Variants in NOVA1 observed in about 807,000 individuals in gnomAD.
The protein encoded by NOVA1 is NOVA alternative splicing regulator 1, also known as RNA-binding protein Nova-1.
NOVA1 carries 7 observed loss-of-function variants against 38.0 expected under a neutral mutation model. The observed-to-expected ratio is 0.18, with a 90% CI of 0.10 to 0.35. The LOEUF is 0.35. NOVA1 is among the 10% of genes least tolerant of loss of function. NOVA1 has a pLI of 1.00. For synonymous variants in NOVA1, 270 were observed against 232.5 expected, an observed-to-expected ratio of 1.16 and a Z score of -1.47; for missense variants, 460 against 616.0, an observed-to-expected ratio of 0.75 and a Z score of 2.68.
At chr14:26,555,649 G>A (rs1891437277) in intron 2 of NOVA1, among the ~76,000 whole-genome samples, 1 of 152,074 alleles carries the variant, frequency 6.6e-6, no homozygotes, top group African/African-American at 2.4e-5. Context: ...AAAAATCATG[G>A]AAACTCAATT....
At chr14:26,544,089 T>C (rs1477651361) in intron 2 of NOVA1, among the ~76,000 whole-genome samples, 1 of 151,838 alleles carries the variant, frequency 6.6e-6, no homozygotes, top group South Asian at 2.1e-4. Flanking sequence ...AGTAGGTTGG[T>C]GGAGTAAAGA....
At chr14:26,583,967 A>G (rs1188340475) in intron 2 of NOVA1, among the ~76,000 whole-genome samples, 1 of 151,480 alleles carries the variant, frequency 6.6e-6, no homozygotes, top group African/African-American at 2.4e-5. Flanking sequence ...AAATAAGTAT[A>G]TATTTTCATA....
At chr14:26,493,199 CT>C (rs1159476319) in intron 2 of NOVA1, among the ~76,000 whole-genome samples, 1 of 151,926 alleles carries the variant, frequency 6.6e-6, no homozygotes, top group Admixed American at 6.6e-5. Context: ...GTTATAGGGG[CT>C]AATAGTGACA....
intron 2 of NOVA1, among the ~76,000 whole-genome samples, chr14:26,548,957 G>C (rs999339952): frequency 5.1e-4 from 77 of 151,872 alleles, no homozygotes; most frequent in Non-Finnish European, 9.7e-4. Flanking sequence ...AAAGTAAAAA[G>C]AAAAAAGAAA....
intron 4 of NOVA1, among the ~76,000 whole-genome samples, chr14:26,449,168 T>C (rs1882402233): frequency 6.6e-6 from 1 of 152,106 alleles, no homozygotes; most frequent in Non-Finnish European, 1.5e-5. Flanking sequence ...AAAACTCAAT[T>C]TTCAGGTCAA....
intron 2 of NOVA1, chr14:26,593,608 A>G (rs758183376): frequency 2.6e-5 from 4 of 151,936 alleles, no homozygotes; most frequent in Non-Finnish European, 5.9e-5. Context: ...TATTCAACGC[A>G]TTCCAGCTTT....
chr14:26,516,850 T>C (rs747492233), intron 2 of NOVA1, among the ~76,000 whole-genome samples: 10 of 151,934 alleles, frequency 6.6e-5, no homozygotes, highest in Non-Finnish European at 1.3e-4. Context: ...AATTCCTTAT[T>C]ATGGCCTACA....
At chr14:26,469,845 C>A (rs1884443015) in intron 4 of NOVA1, among the ~76,000 whole-genome samples, 3 of 152,158 alleles carry the variant, frequency 2.0e-5, no homozygotes. Flanking sequence ...AAGTGATTCT[C>A]CTGCCTCGGC....
rs1369291350 is a variant in NOVA1 at position 26,573,296 on chromosome 14, A to T, written c.280+22114T>A. Among the ~76,000 whole-genome samples the T allele has an allele frequency of 2.6e-5, 4 of 152,128 alleles. No individual in the cohort carries two copies. The East Asian group carries it at 5.8e-4, about 22-fold the overall frequency. On this transcript the variant is annotated intron_variant, in intron 2 of 4. Coordinates refer to ENST00000539517, the MANE Select transcript of NOVA1 (RefSeq NM_002515.3). The stretch of plus-strand genomic sequence containing the variant: ...TAAGCAACTAATAAAGATACCATGA[A>T]CTCTGAAAGAGTTGGATAACCAGGA...
intron 2 of NOVA1, among the ~76,000 whole-genome samples, chr14:26,529,980 C>T (rs1475010647): frequency 6.6e-6 from 1 of 152,050 alleles, no homozygotes; most frequent in South Asian, 2.1e-4. Context: ...AGAGCAGTGG[C>T]GCGATCTCGG....
At chr14:26,532,625 T>A (rs1889801394) in intron 2 of NOVA1, among the ~76,000 whole-genome samples, 1 of 152,172 alleles carries the variant, frequency 6.6e-6, no homozygotes, top group African/African-American at 2.4e-5. Flanking sequence ...ATAGCTTGAC[T>A]ATGGTGGCAG....
chr14:26,550,798 C>A (rs1346155365), intron 2 of NOVA1, among the ~76,000 whole-genome samples: 1 of 152,024 alleles, frequency 6.6e-6, no homozygotes, highest in Non-Finnish European at 1.5e-5. Flanking sequence ...CATTAGCATA[C>A]CATAAGTCAA....
chr14:26,500,181 C>T (rs964986412), intron 2 of NOVA1, among the ~76,000 whole-genome samples: 10 of 152,006 alleles, frequency 6.6e-5, no homozygotes, highest in African/African-American at 2.2e-4. Context: ...GCAATTATTG[C>T]CTGTTCACTA....
intron 2 of NOVA1, among the ~76,000 whole-genome samples, chr14:26,482,209 A>G (rs966224116): frequency 8.5e-5 from 13 of 152,140 alleles, no homozygotes; most frequent in Non-Finnish European, 1.9e-4. Flanking sequence ...CATCTGTGGG[A>G]CAATTGAAAA....
chr14:26,595,536 G>A lies in NOVA1; in HGVS notation c.154C>T (p.Leu52=), dbSNP rs763385926. ...GCATAACTAGGTATGAGAACCTTTA[G>A]AAAATACTGGCCGTCTTCTGAAAAA... is the stretch of plus-strand genomic sequence containing the variant. ...TNTGEDGQYF[L]KVLIPSYAAG... is the part of the protein sequence containing the mutation. The change falls in exon 2 of 5, where the codon CTA becomes TTA. Residue 52 remains leucine, a synonymous_variant. Coordinates refer to ENST00000539517, the MANE Select transcript of NOVA1 (RefSeq NM_002515.3). 6.2e-7 allele frequency: 1 copy of A among 1,612,806 alleles called. No individual in the cohort carries two copies. Among genetic ancestry groups the A allele is most frequent in the South Asian group, 1.1e-5 (1 of 90,874 alleles).
chr14:26,461,511 A>G (rs1883667040), intron 4 of NOVA1, among the ~76,000 whole-genome samples: 1 of 152,146 alleles, frequency 6.6e-6, no homozygotes, highest in African/African-American at 2.4e-5. Context: ...TGTGGATAAT[A>G]GACTACCTAC....
intron 2 of NOVA1, among the ~76,000 whole-genome samples, chr14:26,578,799 A>G (rs1261936024): frequency 6.6e-6 from 1 of 152,148 alleles, no homozygotes; most frequent in Non-Finnish European, 1.5e-5. Context: ...ACACCCTAAT[A>G]TTAATAAAGA....
intron 4 of NOVA1, among the ~76,000 whole-genome samples, chr14:26,450,517 C>G (rs1352532653): frequency 1.3e-5 from 2 of 151,978 alleles, no homozygotes; most frequent in African/African-American, 4.8e-5. Context: ...TCTAAGTTTT[C>G]AAGAACTTAG....
intron 2 of NOVA1, among the ~76,000 whole-genome samples, chr14:26,512,127 C>A (rs916356386): frequency 2.0e-5 from 3 of 152,078 alleles, no homozygotes; most frequent in Non-Finnish European, 4.4e-5. Context: ...TACATTAATG[C>A]TTGAATAAGA....
Sources: allele counts gnomAD v4.1 joint callset (sites outside exome capture counted in the v4.1 genomes callset), GRCh38; gene constraint gnomAD v4.1.1; transcripts MANE v1.5; gene names NCBI Gene and HGNC (gene_info 2026-07-23, HGNC 2026-07-21).